BACH2: variants seen among roughly 807,000 people sequenced by gnomAD.
The protein encoded by BACH2 is BACH transcriptional regulator 2.
BACH2 carries 5 observed loss-of-function variants against 61.8 expected under a neutral mutation model. That is an observed-to-expected ratio of 0.08 (90% CI 0.04 to 0.17). The LOEUF (loss-of-function observed/expected upper bound fraction) is 0.17. BACH2 is among the 10% of genes least tolerant of loss of function. BACH2 has a pLI of 1.00. For synonymous variants in BACH2, 446 were observed against 440.1 expected (o/e 1.01, Z -0.17); for missense variants, 824 against 1,091.1 (o/e 0.76, Z 3.45).
intron 6 of BACH2, among the ~76,000 whole-genome samples, chr6:89,992,152 C>T (rs1018247849): frequency 2.6e-5 from 4 of 152,126 alleles, no homozygotes; most frequent in African/African-American, 9.7e-5. Flanking sequence ...CACTAGTTTC[C>T]TGTTTATCCT....
At chr6:90,236,328 C>T (rs1016731571) in intron 3 of BACH2, among the ~76,000 whole-genome samples, 29 of 152,162 alleles carry the variant, frequency 1.9e-4, no homozygotes, top group African/African-American at 7.0e-4. Flanking sequence ...TATGCTAGGC[C>T]AGAGACAAAC....
intron 1 of BACH2, among the ~76,000 whole-genome samples, chr6:90,281,389 TAGAC>T (rs1291526717): frequency 3.9e-5 from 6 of 152,168 alleles, no homozygotes; most frequent in African/African-American, 1.2e-4. Context: ...ATAAAAAACA[TAGAC>T]AGTTTTTAAA....
At chr6:89,934,202 T>C (rs948641964) in intron 8 of BACH2, among the ~76,000 whole-genome samples, 5 of 152,140 alleles carry the variant, frequency 3.3e-5, no homozygotes, top group African/African-American at 1.2e-4. Context: ...AAGGGAGAAG[T>C]AAGGATGGAG....
intron 5 of BACH2, among the ~76,000 whole-genome samples, chr6:90,024,250 T>C (rs541160382): frequency 6.6e-6 from 1 of 152,288 alleles, no homozygotes; most frequent in African/African-American, 2.4e-5. Context: ...ACAAAGGTCC[T>C]AGGGTGCGCT....
chr6:90,077,188 A>G (rs1053089259), intron 5 of BACH2, among the ~76,000 whole-genome samples: 3 of 152,174 alleles, frequency 2.0e-5, no homozygotes, highest in Non-Finnish European at 4.4e-5. Flanking sequence ...TCCTTATGAA[A>G]GCGTGGGAGG....
chr6:90,096,206 T>C (rs1782375191), intron 4 of BACH2, among the ~76,000 whole-genome samples: 4 of 152,186 alleles, frequency 2.6e-5, no homozygotes, highest in Admixed American at 2.0e-4. Context: ...TTGTTATATA[T>C]TTCAGTGTCG....
intron 4 of BACH2, among the ~76,000 whole-genome samples, chr6:90,108,202 T>C (rs1454812591): frequency 6.6e-6 from 1 of 152,160 alleles, no homozygotes; most frequent in Non-Finnish European, 1.5e-5. Flanking sequence ...TGTCTTGAAA[T>C]GACACAGACT....
Position 90,070,992 on chromosome 6 carries a change from T to C in BACH2, c.-13+17969A>G, listed in dbSNP as rs916283452. 3.7e-4 allele frequency among the ~76,000 whole-genome samples: 56 copies of C among 152,302 alleles called. 1 individual carries two copies. Among genetic ancestry groups the C allele is most frequent in the African/African-American group, 1.3e-3 (54 of 41,558 alleles). On this transcript the variant is annotated intron_variant, in intron 5 of 8. Transcript: ENST00000257749. ...TTTCTTTCCTTTGTTTTTTGTTTGT[T>C]TTTTTGGGGGGAAGTCAGAGTCTTG...
chr6:90,286,610 GTGTTTGAGGAAA>G (rs768883273), intron 1 of BACH2, among the ~76,000 whole-genome samples: 10 of 152,188 alleles, frequency 6.6e-5, no homozygotes, highest in Non-Finnish European at 1.2e-4. Flanking sequence ...TTGATTAACT[GTGTTTGAGGAAA>G]TGTCTAACTA....
chr6:90,125,651 T>C (rs1374874445), intron 4 of BACH2, among the ~76,000 whole-genome samples: 1 of 152,222 alleles, frequency 6.6e-6, no homozygotes, highest in Non-Finnish European at 1.5e-5. Context: ...TGCTGTGTAC[T>C]GGTTGACTTC....
At chr6:90,166,572 T>G (rs1008969077) in intron 4 of BACH2, among the ~76,000 whole-genome samples, 1 of 152,192 alleles carries the variant, frequency 6.6e-6, no homozygotes, top group Non-Finnish European at 1.5e-5. Flanking sequence ...CCCAAAGGAT[T>G]ATAAATCATG....
At chr6:90,120,535 C>T (rs995436314) in intron 4 of BACH2, among the ~76,000 whole-genome samples, 3 of 152,216 alleles carry the variant, frequency 2.0e-5, no homozygotes, top group Non-Finnish European at 2.9e-5. Context: ...CATAAGCCTC[C>T]TTCAAATATC....
rs142862628 is a variant in BACH2, at chr6:90,245,341, A to G, written c.-275+7172T>C. Among the ~76,000 whole-genome samples the G allele has an allele frequency of 1.0e-3, 153 of 152,334 alleles. 1 individual carries two copies. Among genetic ancestry groups the G allele is most frequent in the African/African-American group, 3.6e-3 (148 of 41,572 alleles). On this transcript the variant is annotated intron_variant, in intron 3 of 8. Coordinates refer to ENST00000257749, the MANE Select transcript of BACH2 (RefSeq NM_021813.4). ...CTCAGTGGCTCACACTTGTAATCAC[A>G]GTACTTTTGGAGGCCAAGGCAGGAG... is the stretch of plus-strand genomic sequence containing the variant.
chr6:90,048,742 C>G (rs1779904169), intron 5 of BACH2, among the ~76,000 whole-genome samples: 1 of 152,180 alleles, frequency 6.6e-6, no homozygotes, highest in Non-Finnish European at 1.5e-5. Flanking sequence ...ACTGCCTCAT[C>G]ATTTGGCAGC....
chr6:90,030,019 T>C (rs1582228208), intron 5 of BACH2, among the ~76,000 whole-genome samples: 1 of 152,220 alleles, frequency 6.6e-6, no homozygotes, highest in South Asian at 2.1e-4. Flanking sequence ...TTTCTGAAGC[T>C]CTCTGTGCTC....
intron 5 of BACH2, chr6:90,063,112 A>G (rs1292366592): frequency 1.2e-5 from 2 of 161,484 alleles, no homozygotes; most frequent in African/African-American, 4.8e-5. Context: ...ATATCTGAAT[A>G]TACCAATAAA....
In BACH2 at chr6:90,208,053, A is replaced by T. The variant is rs1388045482; in HGVS notation, c.-274-1372T>A. ...TTGAAATACAGATTCCAAAAAAAAT[A>T]CCACATGCGGATTAAAGACTTAAAT... On this transcript the variant is annotated intron_variant, in intron 3 of 8. Transcript: ENST00000257749. 4.6e-5 allele frequency among the ~76,000 whole-genome samples: 7 copies of T among 152,332 alleles called. No homozygotes were observed. The East Asian group carries it at 1.3e-3, about 29-fold the overall frequency.
chr6:90,261,581 C>T (rs1760169801), intron 2 of BACH2, among the ~76,000 whole-genome samples: 1 of 152,154 alleles, frequency 6.6e-6, no homozygotes, highest in Non-Finnish European at 1.5e-5. Context: ...TGACTACTCC[C>T]TCCTTCTGCA....
chr6:90,101,661 C>T (rs1412983132), intron 4 of BACH2, among the ~76,000 whole-genome samples: 2 of 152,168 alleles, frequency 1.3e-5, no homozygotes, highest in Admixed American at 1.3e-4. Flanking sequence ...GGGTCCCTTG[C>T]ATTTCCATAT....
Sources: gnomAD v4.1 joint callset for allele counts (sites outside exome capture counted in the v4.1 genomes callset) on GRCh38, gnomAD v4.1.1 for gene constraint, MANE v1.5 for transcripts, NCBI Gene and HGNC (gene_info 2026-07-23, HGNC 2026-07-21) for gene names.